C2: variants seen among roughly 807,000 people sequenced by gnomAD.
C2 encodes C3/C5 convertase.
Under a neutral mutation model 85.2 loss-of-function variants are expected in C2, and 64 were observed. The ratio of observed to expected loss-of-function variants is 0.75; its 90% confidence interval spans 0.61 to 0.92. C2 has a LOEUF of 0.92. Among genes scored for constraint, C2 ranks in the 40% least tolerant of loss-of-function variants. The pLI, the probability that C2 is intolerant of heterozygous loss-of-function variation, is 0.00. For missense variants in C2, 820 were observed against 971.6 expected, an observed-to-expected ratio of 0.84 and a Z score of 2.07; for synonymous variants, 311 against 370.8, an observed-to-expected ratio of 0.84 and a Z score of 1.85.
At position 31,944,647 on chromosome 6, in the gene C2, C is replaced by T; in HGVS notation, c.1903-80C>T. The T allele has an allele frequency of 3.3e-6, 5 of 1,509,596 alleles. No individual in the cohort carries two copies. Among genetic ancestry groups the T allele is most frequent in the South Asian group, 1.1e-5 (1 of 88,870 alleles). The allele number at this position is 1,509,596 out of a possible 1,614,324, so 93.5% of individuals were successfully genotyped here. A position where few individuals can be genotyped will look rare whatever the true frequency, so the allele number is the denominator to read the frequency against. On this transcript the variant is annotated intron_variant, in intron 15 of 17. Transcript: ENST00000299367. This position sits in a 1 kb window ranked among gnomAD's most constrained non-coding sequence, Gnocchi z 5.1. ...CTGCCTGCCTCAACCTCCCAAAGTG[C>T]TGAGATTACAGGCGTGAGCCACTGC... is the stretch of plus-strand genomic sequence containing the variant.
intron 3 of C2, among the ~76,000 whole-genome samples, chr6:31,933,071 G>A (rs1285431233): frequency 6.6e-6 from 1 of 152,228 alleles, no homozygotes; most frequent in Non-Finnish European, 1.5e-5. Flanking sequence ...CAGCAGTACC[G>A]TCCAGCTTCG....
intron 1 of C2, among the ~76,000 whole-genome samples, chr6:31,907,464 C>T (rs1009000714): frequency 4.7e-5 from 7 of 148,992 alleles, no homozygotes. Flanking sequence ...TGCCTGTGGT[C>T]GCAGCTATTC....
chr6:31,933,419 A>G (rs1009755988), intron 3 of C2, among the ~76,000 whole-genome samples, 191 bp from the exon 4 acceptor site: 2 of 152,138 alleles, frequency 1.3e-5, no homozygotes, highest in Non-Finnish European at 2.9e-5. Flanking sequence ...TTTATGAAAT[A>G]TAAATGTTCT....
upstream of C2, chr6:31,899,623 T>G: frequency 3.8e-6 from 1 of 263,696 alleles, no homozygotes; most frequent in Non-Finnish European, 7.1e-6. Context: ...TCTTCCCTCA[T>G]TCTATAGGAC....
At position 31,943,116 on chromosome 6, in the gene C2, C is replaced by T. The variant is rs1409750409; in HGVS notation, c.1360+17C>T. ...ATATGCTGGGTGAGTGAGCTTTGCC[C>T]TCCTTGGTGTGGGGAGGATGGTGAG... On this transcript the variant is annotated intron_variant, in intron 10 of 17. Coordinates refer to ENST00000299367, the MANE Select transcript of C2 (RefSeq NM_000063.6). The surrounding 1 kb of genome is among the most constrained non-coding windows in gnomAD (Gnocchi z 6.4). 1.2e-6 allele frequency: 2 copies of T among 1,612,858 alleles called. No individual in the cohort carries two copies. Among genetic ancestry groups the T allele is most frequent in the Non-Finnish European group, 1.7e-6 (2 of 1,179,970 alleles).
chr6:31,927,732 G>A lies in C2; in HGVS notation c.-21G>A, dbSNP rs764589447. The A allele has an allele frequency of 4.3e-6, 7 of 1,612,932 alleles. No individual in the cohort carries two copies. Among genetic ancestry groups the A allele is most frequent in the East Asian group, 2.2e-5 (1 of 44,874 alleles). On this transcript the variant is annotated 5_prime_UTR_variant, in exon 1 of 18. Transcript: ENST00000299367. This position sits in a 1 kb window ranked among gnomAD's most constrained non-coding sequence, Gnocchi z 4.7. ...TCCCTCCCGCGGCTCTCTACCTCTC[G>A]CCGCCCCTAGGGAGGACACCATGGG...
At chr6:31,932,485 C>G (rs9267752) in intron 3 of C2, 3 of 249,252 alleles carry the variant, frequency 1.2e-5, no homozygotes, top group South Asian at 6.6e-5. Flanking sequence ...ATGGGGCGGC[C>G]GGGCAGAGGT....
intron 8 of C2, 103 bp downstream of exon 8, chr6:31,937,562 C>T (rs992760669): frequency 1.0e-5 from 15 of 1,461,828 alleles, no homozygotes; most frequent in Non-Finnish European, 1.3e-5. Context: ...CCACTTTGGG[C>T]CCCAGTTTTG....
chr6:31,924,014 A>C (rs1383372530), upstream of C2, among the ~76,000 whole-genome samples: 2 of 148,974 alleles, frequency 1.3e-5, no homozygotes, highest in Non-Finnish European at 3.0e-5. Context: ...GTTAGCCAGG[A>C]TTGTCTCGAT....
chr6:31,940,268 C>T (rs1042303876), intron 9 of C2, among the ~76,000 whole-genome samples: 3 of 152,158 alleles, frequency 2.0e-5, no homozygotes, highest in Admixed American at 2.0e-4. Flanking sequence ...TAGAAAAATG[C>T]CCAGCATATG....
intron 1 of C2, among the ~76,000 whole-genome samples, chr6:31,911,548 A>T (rs1170291047): frequency 6.6e-6 from 1 of 151,962 alleles, no homozygotes; most frequent in East Asian, 1.9e-4. Context: ...TGAAATCAGC[A>T]TGCACATGAG....
rs9800604 is a variant in C2 at position 31,907,826 on chromosome 6, C to T, written c.73+6687C>T. ...TGGAGTAGCTGGGACTACAGGCGTG[C>T]GCTACCACTTCTGGCTTTTTTTTTT... On this transcript the variant is annotated intron_variant, in intron 1 of 3. Transcript: ENST00000452202. Among the ~76,000 whole-genome samples, 59 of 141,786 alleles carry T rather than the reference C, an allele frequency of 4.2e-4. No individual in the cohort carries two copies. The East Asian group carries it at 5.2e-3, about 13-fold the overall frequency. The allele number at this position is 141,786 out of a possible 152,430, so 93.0% of individuals were successfully genotyped here. A position where few individuals can be genotyped will look rare whatever the true frequency, so the allele number is the denominator to read the frequency against.
chr6:31,917,069 G>A (rs935871609), upstream of C2, among the ~76,000 whole-genome samples: 1 of 150,204 alleles, frequency 6.7e-6, no homozygotes, highest in Non-Finnish European at 1.5e-5. Context: ...TACTTGGGAG[G>A]CTGAGGCAGG....
intron 8 of C2, among the ~76,000 whole-genome samples, chr6:31,939,007 C>T (rs1208604207): frequency 6.6e-6 from 1 of 152,182 alleles, no homozygotes; most frequent in Non-Finnish European, 1.5e-5. Flanking sequence ...CCATGTTGCC[C>T]AGGCTGGTCT....
At chr6:31,913,030 CAAAAAAA>C (rs34465217) in intron 1 of C2, among the ~76,000 whole-genome samples, 2 of 70,552 alleles carry the variant, frequency 2.8e-5, no homozygotes, top group Non-Finnish European at 5.6e-5. Context: ...CCTGTTTCCA[CAAAAAAA>C]AAAAAAAAAA....
chr6:31,944,694 C>G lies in C2; in HGVS notation c.1903-33C>G. The G allele has an allele frequency of 1.2e-6, 2 of 1,612,668 alleles. No individual in the cohort carries two copies. The highest frequency in any genetic ancestry group is 1.7e-6 in the Non-Finnish European group (2 of 1,179,932). On this transcript the variant is annotated intron_variant, in intron 15 of 17. Coordinates refer to ENST00000299367, the MANE Select transcript of C2 (RefSeq NM_000063.6). This position sits in a 1 kb window ranked among gnomAD's most constrained non-coding sequence, Gnocchi z 5.1. ...CTGCACCCACCCGGGTCTGCTTATT[C>G]TACCCTTCTCTCTGGTTCCACCCCT...
rs962138248 is a variant in C2 at position 31,935,750 on chromosome 6, C to T, written c.850-173C>T. Among the ~76,000 whole-genome samples the T allele has an allele frequency of 7.9e-5, 12 of 152,058 alleles. No homozygotes were observed. The highest frequency in any genetic ancestry group is 7.4e-5 in the Non-Finnish European group (5 of 68,012). On this transcript the variant is annotated intron_variant, in intron 6 of 17. Transcript: ENST00000299367. This position sits in a 1 kb window ranked among gnomAD's most constrained non-coding sequence, Gnocchi z 4.3. ...GTTGGGATTCAGGCATGAGCCACCG[C>T]GCCCAGCCCCTAGCTTCTTCCTAAC...
rs1275281671 is a variant in C2 at position 31,921,940 on chromosome 6, A to G, written c.-100+1914A>G. On this transcript the variant is annotated intron_variant, in intron 1 of 3. Transcript: ENST00000413154. The surrounding 1 kb of genome is among the most constrained non-coding windows in gnomAD (Gnocchi z 4.6). ...TCAATGAAGGGTGTGTTATCAGGCA[A>G]ATTTACCATTGTGGGTGAGTGGAGG... Among the ~76,000 whole-genome samples, 1 of 152,030 alleles carries G rather than the reference A, an allele frequency of 6.6e-6. No individual in the cohort carries two copies. Among genetic ancestry groups the G allele is most frequent in the Non-Finnish European group, 1.5e-5 (1 of 68,004 alleles).
At chr6:31,930,458 T>A (rs1300139021) in intron 3 of C2, among the ~76,000 whole-genome samples, 1 of 152,122 alleles carries the variant, frequency 6.6e-6, no homozygotes, top group Non-Finnish European at 1.5e-5. Context: ...TCAAGTGATC[T>A]TCCTACCTCA....
Sources: allele counts gnomAD v4.1 joint callset (sites outside exome capture counted in the v4.1 genomes callset), GRCh38; gene constraint gnomAD v4.1.1; non-coding constraint Gnocchi (gnomAD v3.1); transcripts MANE v1.5; gene names NCBI Gene and HGNC (gene_info 2026-07-23, HGNC 2026-07-21).